MALRD1: variants seen among roughly 807,000 people sequenced by gnomAD.
MALRD1 encodes the protein MAM and LDL receptor class A domain containing 1.
In MALRD1, 247 loss-of-function variants were observed where a neutral mutation model predicts 242.1. The observed-to-expected ratio is 1.02, with a 90% CI of 0.92 to 1.13. MALRD1 has a LOEUF of 1.13. Ranked by LOEUF, MALRD1 falls within the 50% of genes most tolerant of loss-of-function variation. MALRD1 has a pLI of 0.00. For missense variants in MALRD1, 2,989 were observed against 2,533.1 expected, an observed-to-expected ratio of 1.18 and a Z score of -3.86; for synonymous variants, 995 against 866.6, an observed-to-expected ratio of 1.15 and a Z score of -2.60.
intron 26 of MALRD1, among the ~76,000 whole-genome samples, chr10:19,386,072 G>A (rs1846058843): frequency 1.3e-5 from 2 of 152,044 alleles, no homozygotes; most frequent in African/African-American, 2.4e-5. Context: ...ACTCAAAATT[G>A]CCAGAAGCCT....
chr10:19,136,212 T>G lies in MALRD1; in HGVS notation c.1204-362T>G, dbSNP rs1223343054. On this transcript the variant is annotated intron_variant, in intron 9 of 39. Coordinates refer to ENST00000454679, the MANE Select transcript of MALRD1 (RefSeq NM_001142308.3). ...TCCTTGAAAATGAAAGAAAGAGAGC[T>G]GTAAAGATGATGACCAAGTAACAAG... 2.0e-5 allele frequency among the ~76,000 whole-genome samples: 3 copies of G among 152,306 alleles called. No homozygotes were observed. In the East Asian group the frequency reaches 5.8e-4, roughly 29 times the overall value.
At chr10:19,198,998 C>T (rs1028097781) in intron 14 of MALRD1, among the ~76,000 whole-genome samples, 13 of 152,108 alleles carry the variant, frequency 8.5e-5, no homozygotes, top group African/African-American at 2.2e-4. Flanking sequence ...AGAATTACAA[C>T]GTTACAGAAC....
chr10:19,720,849 G>A (rs905469256), intron 38 of MALRD1, among the ~76,000 whole-genome samples: 1 of 152,030 alleles, frequency 6.6e-6, no homozygotes, highest in African/African-American at 2.4e-5. Context: ...CAGAGACCAG[G>A]TATAAAATAA....
At chr10:19,189,029 C>T (rs1835859793) in intron 14 of MALRD1, among the ~76,000 whole-genome samples, 1 of 151,220 alleles carries the variant, frequency 6.6e-6, no homozygotes, top group Non-Finnish European at 1.5e-5. Context: ...CGAAATGGAC[C>T]TAGGGAGAGA....
intron 36 of MALRD1, among the ~76,000 whole-genome samples, chr10:19,662,727 C>G (rs2131737028): frequency 6.6e-6 from 1 of 152,228 alleles, no homozygotes; most frequent in East Asian, 1.9e-4. Flanking sequence ...AAACATGATC[C>G]TGATTATGAT....
chr10:19,587,573 G>C (rs540032964), intron 33 of MALRD1, among the ~76,000 whole-genome samples: 2 of 152,254 alleles, frequency 1.3e-5, no homozygotes, highest in South Asian at 4.2e-4. Flanking sequence ...GAATTTCATT[G>C]CAAATTATCA....
At chr10:19,703,564 T>A (rs1235654641) in intron 38 of MALRD1, among the ~76,000 whole-genome samples, 2 of 152,176 alleles carry the variant, frequency 1.3e-5, no homozygotes, top group African/African-American at 4.8e-5. Context: ...AGAAGAGAGA[T>A]GTAATCATCA....
At chr10:19,321,509 A>G (rs1588906497) in intron 21 of MALRD1, among the ~76,000 whole-genome samples, 1 of 152,302 alleles carries the variant, frequency 6.6e-6, no homozygotes. Context: ...GATGCATGAT[A>G]GATGTAAATA....
intron 2 of MALRD1, among the ~76,000 whole-genome samples, chr10:19,079,486 T>C (rs1835415444): frequency 6.6e-6 from 1 of 151,934 alleles, no homozygotes; most frequent in Non-Finnish European, 1.5e-5. Flanking sequence ...CATATGTATC[T>C]GTTAGGTCTA....
intron 36 of MALRD1, among the ~76,000 whole-genome samples, chr10:19,683,942 C>G (rs1037054428): frequency 1.3e-5 from 2 of 152,042 alleles, no homozygotes; most frequent in African/African-American, 2.4e-5. Context: ...CCTCACCCCC[C>G]AGCAGGCCCC....
chr10:19,503,444 T>C (rs561979774), intron 31 of MALRD1, among the ~76,000 whole-genome samples: 1 of 152,336 alleles, frequency 6.6e-6, no homozygotes, highest in South Asian at 2.1e-4. Flanking sequence ...CAGGGCTATT[T>C]ATGAGCCTTT....
chr10:19,298,596 TAA>T (rs1841813665), intron 21 of MALRD1, among the ~76,000 whole-genome samples: 1 of 152,024 alleles, frequency 6.6e-6, no homozygotes, highest in African/African-American at 2.4e-5. Flanking sequence ...GACTGAACTG[TAA>T]GAGAAGAGAA....
intron 14 of MALRD1, among the ~76,000 whole-genome samples, chr10:19,177,213 G>A (rs963707928): frequency 6.6e-6 from 1 of 151,066 alleles, no homozygotes; most frequent in African/African-American, 2.4e-5. Context: ...CGAAGAGGCG[G>A]AGCTTGTAGT....
At chr10:19,140,871 G>C (rs1833515042) in intron 10 of MALRD1, among the ~76,000 whole-genome samples, 1 of 152,106 alleles carries the variant, frequency 6.6e-6, no homozygotes, top group South Asian at 2.1e-4. Context: ...CTAGTGTACA[G>C]CCTGGTGACT....
In MALRD1 at chr10:19,077,956, AAAGT is replaced by A. The variant is rs796400970; in HGVS notation, c.341-9881_341-9878del. 5.4e-3 allele frequency among the ~76,000 whole-genome samples: 815 copies of A among 151,976 alleles called. 10 individuals are homozygous for A. Among genetic ancestry groups the A allele is most frequent in the African/African-American group, 0.018 (766 of 41,532 alleles). Reference sequence around the variant, plus strand: ...CTTCAAACCTCAAAGCAAAACTCATAAAGTAATTTTATTTCCCTTCTTACATGAA... The same window carrying A: ...CTTCAAACCTCAAAGCAAAACTCATAAATTTTATTTCCCTTCTTACATGAA... On this transcript the variant is annotated intron_variant, in intron 2 of 39. Coordinates refer to ENST00000454679, the MANE Select transcript of MALRD1 (RefSeq NM_001142308.3).
intron 31 of MALRD1, among the ~76,000 whole-genome samples, chr10:19,529,338 T>C (rs898329211): frequency 2.0e-5 from 3 of 152,216 alleles, no homozygotes; most frequent in Non-Finnish European, 2.9e-5. Flanking sequence ...GGGTTAGTTA[T>C]GTTGTTACAT....
At position 19,088,413 on chromosome 10, in the gene MALRD1, T is replaced by G. The variant is rs1276031345; in HGVS notation, c.597+228T>G. Reference sequence around the variant, plus strand: ...TGAATTTTATGTATTAAAACTAAAGTTGGTGTATTTTAAGGCATACTAATA... The same window carrying G: ...TGAATTTTATGTATTAAAACTAAAGGTGGTGTATTTTAAGGCATACTAATA... On this transcript the variant is annotated intron_variant, in intron 4 of 39. Transcript: ENST00000454679. Among the ~76,000 whole-genome samples the G allele has an allele frequency of 2.6e-5, 4 of 152,122 alleles. No individual in the cohort carries two copies. In the East Asian group the frequency reaches 7.8e-4, roughly 29 times the overall value.
intron 8 of MALRD1, among the ~76,000 whole-genome samples, chr10:19,133,496 A>G (rs2131404793): frequency 6.6e-6 from 1 of 152,302 alleles, no homozygotes; most frequent in East Asian, 1.9e-4. Context: ...TCATGGCAGT[A>G]TTACAAAATG....
intron 4 of MALRD1, among the ~76,000 whole-genome samples, chr10:19,101,164 A>T (rs953914861): frequency 6.6e-5 from 10 of 151,146 alleles, no homozygotes; most frequent in Non-Finnish European, 1.2e-4. Context: ...ACTGAGGTAC[A>T]GAGATGTTAA....
Sources: gnomAD v4.1 joint callset for allele counts (sites outside exome capture counted in the v4.1 genomes callset) on GRCh38, gnomAD v4.1.1 for gene constraint, MANE v1.5 for transcripts, NCBI Gene and HGNC (gene_info 2026-07-23, HGNC 2026-07-21) for gene names.